The following TAFA2 variants were observed in gnomAD, a reference collection of about 807,000 sequenced individuals.
TAFA2 encodes the protein chemokine-like protein TAFA-2.
A neutral mutation model predicts 18.8 loss-of-function variants in TAFA2; 7 were observed. That is an observed-to-expected ratio of 0.37 (90% CI 0.21 to 0.70). The LOEUF (loss-of-function observed/expected upper bound fraction) is 0.70. Ranked by LOEUF, TAFA2 falls within the 30% of genes least tolerant of loss-of-function variation. TAFA2 has a pLI of 0.53. For missense variants in TAFA2, 122 were observed against 158.1 expected (o/e 0.77, Z 1.23); for synonymous variants, 60 against 54.2 (o/e 1.11, Z -0.47).
At chr12:62,169,478 G>C (rs778866516) in intron 1 of TAFA2, among the ~76,000 whole-genome samples, 2 of 152,124 alleles carry the variant, frequency 1.3e-5, no homozygotes, top group African/African-American at 2.4e-5. Flanking sequence ...TAAAAATTTT[G>C]TAAGTGTTTA....
intron 1 of TAFA2, among the ~76,000 whole-genome samples, chr12:61,947,194 A>C (rs1388485592): frequency 1.4e-5 from 2 of 147,794 alleles, no homozygotes; most frequent in African/African-American, 2.5e-5. Flanking sequence ...ATTCTCAGTA[A>C]ACTATCGCAA....
chr12:61,933,549 CA>C (rs971110941), intron 1 of TAFA2, among the ~76,000 whole-genome samples: 24 of 152,046 alleles, frequency 1.6e-4, no homozygotes, highest in African/African-American at 5.1e-4. Flanking sequence ...CCCATCTCTA[CA>C]AAAAAATTAA....
chr12:61,892,076 A>G (rs188385232), intron 1 of TAFA2, among the ~76,000 whole-genome samples: 82 of 151,810 alleles, frequency 5.4e-4, no homozygotes, highest in Admixed American at 2.4e-3. Flanking sequence ...TGATGGCCTG[A>G]CCTACAAAGC....
intron 1 of TAFA2, among the ~76,000 whole-genome samples, chr12:61,955,653 A>ATATATATGTATATATATATATATATG (rs1555178825): frequency 1.9e-5 from 2 of 103,522 alleles, no homozygotes; most frequent in African/African-American, 6.5e-5. Flanking sequence ...ATATATATAT[A>ATATATATGTATATATATATATATATG]TATATATATA....
At chr12:61,743,511 C>A (rs1253548281) in intron 4 of TAFA2, among the ~76,000 whole-genome samples, 1 of 152,040 alleles carries the variant, frequency 6.6e-6, no homozygotes, top group Non-Finnish European at 1.5e-5. Context: ...TTTACATTTG[C>A]CTCTTTTCTT....
intron 2 of TAFA2, among the ~76,000 whole-genome samples, chr12:61,847,264 T>C (rs921249897): frequency 1.3e-5 from 2 of 152,238 alleles, no homozygotes; most frequent in Admixed American, 6.5e-5. Flanking sequence ...TTCACAATTT[T>C]ATTAAACTAA....
At chr12:61,911,437 T>C (rs1433404209) in intron 1 of TAFA2, among the ~76,000 whole-genome samples, 1 of 152,208 alleles carries the variant, frequency 6.6e-6, no homozygotes, top group African/African-American at 2.4e-5. Context: ...AAATTTGTGT[T>C]TAATTCTTTC....
rs928756555 is a variant in TAFA2, at chr12:61,877,466, T to C, written c.-1-10040A>G. On this transcript the variant is annotated intron_variant, in intron 1 of 4. Transcript: ENST00000416284. ...AAATTTTCCCACTGGTGAGATGTAT[T>C]CTATTGTGAAATTATGCCCCAAGGT... Among the ~76,000 whole-genome samples the C allele has an allele frequency of 3.9e-5, 6 of 152,158 alleles. 1 individual carries two copies. The highest frequency in any genetic ancestry group is 8.8e-5 in the Non-Finnish European group (6 of 68,012).
chr12:62,159,752 T>G (rs1220898438), intron 1 of TAFA2, among the ~76,000 whole-genome samples: 1 of 152,094 alleles, frequency 6.6e-6, no homozygotes, highest in Non-Finnish European at 1.5e-5. Context: ...ACAAATATGG[T>G]ACAGTGTATA....
At chr12:62,043,427 C>T (rs904257907) in intron 1 of TAFA2, among the ~76,000 whole-genome samples, 1 of 150,184 alleles carries the variant, frequency 6.7e-6, no homozygotes, top group Non-Finnish European at 1.5e-5. Flanking sequence ...AACACATGGA[C>T]ACAGGAAGGG....
chr12:61,808,671 T>A (rs368217588), intron 2 of TAFA2, among the ~76,000 whole-genome samples: 1 of 151,406 alleles, frequency 6.6e-6, no homozygotes, highest in Non-Finnish European at 1.5e-5. Context: ...CAGAAAAGCT[T>A]AGCTTTTCAG....
chr12:62,051,428 T>C (rs970011245), intron 1 of TAFA2, among the ~76,000 whole-genome samples: 1 of 151,954 alleles, frequency 6.6e-6, no homozygotes, highest in Non-Finnish European at 1.5e-5. Context: ...CAAACACACT[T>C]CCTCCTTATG....
intron 2 of TAFA2, among the ~76,000 whole-genome samples, chr12:61,813,837 G>A (rs985271420): frequency 1.3e-5 from 2 of 151,394 alleles, no homozygotes; most frequent in Non-Finnish European, 2.9e-5. Context: ...GGTAAGAAAT[G>A]TACCTATCTC....
intron 2 of TAFA2, among the ~76,000 whole-genome samples, chr12:61,784,737 T>C (rs971027164): frequency 6.6e-6 from 1 of 151,374 alleles, no homozygotes; most frequent in Admixed American, 6.6e-5. Context: ...TTACGTTACA[T>C]AAAAGGGAAG....
intron 2 of TAFA2, among the ~76,000 whole-genome samples, chr12:61,836,416 G>T (rs1230709093): frequency 1.3e-5 from 2 of 151,724 alleles, no homozygotes; most frequent in African/African-American, 2.4e-5. Context: ...AAATTTAGAG[G>T]ATACATTATA....
Position 61,956,625 on chromosome 12 carries a change from TTTTG to T in TAFA2, c.-1-89203_-1-89200del, listed in dbSNP as rs1878704119. Among the ~76,000 whole-genome samples the T allele has an allele frequency of 7.3e-5, 4 of 54,780 alleles. No homozygotes were observed. The South Asian group carries it at 5.1e-3, about 70-fold the overall frequency. The allele number at this position is 54,780 out of a possible 152,430, so 35.9% of individuals were successfully genotyped here. ...AAAGTGGTAGTAGAATTTTGTTTTGTTTTGTTAAAAAAAAAAAAAAAACAGGTGT... is the reference window on the plus strand; with the variant it reads ...AAAGTGGTAGTAGAATTTTGTTTTGTTTAAAAAAAAAAAAAAAACAGGTGT... On this transcript the variant is annotated intron_variant, in intron 1 of 4. Coordinates refer to ENST00000416284, the MANE Select transcript of TAFA2 (RefSeq NM_178539.5).
At chr12:61,772,636 A>T (rs2120849581) in intron 2 of TAFA2, among the ~76,000 whole-genome samples, 1 of 152,140 alleles carries the variant, frequency 6.6e-6, no homozygotes, top group African/African-American at 2.4e-5. Flanking sequence ...TAGATTCAGA[A>T]AAAGCATTTG....
At chr12:62,223,085 CTTAAA>C (rs1192885879) in intron 1 of TAFA2, among the ~76,000 whole-genome samples, 7 of 152,128 alleles carry the variant, frequency 4.6e-5, no homozygotes, top group Non-Finnish European at 5.9e-5. Context: ...ATAAAGTTTT[CTTAAA>C]TTAATCTATA....
At chr12:61,885,815 A>G (rs1163067352) in intron 1 of TAFA2, among the ~76,000 whole-genome samples, 1 of 152,182 alleles carries the variant, frequency 6.6e-6, no homozygotes, top group Admixed American at 6.5e-5. Flanking sequence ...GTGTTACATC[A>G]TGGCTGAACA....
Sources: gnomAD v4.1 joint callset for allele counts (sites outside exome capture counted in the v4.1 genomes callset) on GRCh38, gnomAD v4.1.1 for gene constraint, MANE v1.5 for transcripts, NCBI Gene and HGNC (gene_info 2026-07-23, HGNC 2026-07-21) for gene names.